Variants in SLC17A6 observed in about 807,000 individuals in gnomAD.
The protein encoded by SLC17A6 is vesicular glutamate transporter 2.
SLC17A6 carries 35 observed loss-of-function variants against 67.1 expected under a neutral mutation model. The observed-to-expected ratio is 0.52, with a 90% CI of 0.40 to 0.69. The LOEUF is 0.69. Ranked by LOEUF, SLC17A6 falls within the 30% of genes least tolerant of loss-of-function variation. The pLI is 0.00. For synonymous variants in SLC17A6, 285 were observed against 252.3 expected, an observed-to-expected ratio of 1.13 and a Z score of -1.23; for missense variants, 588 against 723.9, an observed-to-expected ratio of 0.81 and a Z score of 2.15.
chr11:22,351,919 T>C (rs1484162148), intron 3 of SLC17A6, among the ~76,000 whole-genome samples: 1 of 150,432 alleles, frequency 6.6e-6, no homozygotes, highest in East Asian at 2.1e-4. Context: ...TTTCTTGTTA[T>C]ATAATCTATT....
chr11:22,373,462 G>T (rs747032850), intron 8 of SLC17A6, among the ~76,000 whole-genome samples: 34 of 150,990 alleles, frequency 2.3e-4, no homozygotes, highest in Non-Finnish European at 1.5e-5. Flanking sequence ...AAGCAATAAT[G>T]ATTTTTTTTT....
chr11:22,376,027 A>G lies in SLC17A6; in HGVS notation c.1220A>G (p.His407Arg), dbSNP rs760274920. The change falls in exon 10 of 12, where the codon CAT becomes CGT. Residue 407 changes from histidine to arginine, a missense_variant. His to Arg is a conservative substitution (Grantham distance 29). Transcript: ENST00000263160. Reference protein sequence around the residue: ...ATLLLVVGYSHTRGVAISFLV... With the variant: ...ATLLLVVGYSRTRGVAISFLV... ...CTGCTCCTGGTCGTTGGCTATTCTC[A>G]TACTAGAGGGGTAGCAATCTCATTC... 8 of 1,607,256 alleles carry G rather than the reference A, an allele frequency of 5.0e-6. No homozygotes were observed. Among genetic ancestry groups the G allele is most frequent in the South Asian group, 1.1e-5 (1 of 90,524 alleles).
chr11:22,363,661 T>C (rs1202912558), intron 6 of SLC17A6, among the ~76,000 whole-genome samples: 6 of 152,302 alleles, frequency 3.9e-5, no homozygotes, highest in African/African-American at 9.6e-5. Flanking sequence ...TTATTATGCT[T>C]GTAGAAGGTT....
chr11:22,370,337 T>C (rs1204519364), intron 8 of SLC17A6, 149 bp downstream of exon 8: 1 of 680,070 alleles, frequency 1.5e-6, no homozygotes, highest in African/African-American at 1.8e-5. Context: ...AGAAGCAAAG[T>C]AAAATGTTTC....
intron 8 of SLC17A6, among the ~76,000 whole-genome samples, chr11:22,374,281 T>A (rs1856206290): frequency 6.6e-6 from 1 of 152,232 alleles, no homozygotes; most frequent in Non-Finnish European, 1.5e-5. Flanking sequence ...GATCTTACTC[T>A]ATAGAAATTA....
At chr11:22,361,191 C>T in intron 5 of SLC17A6, 1 of 470,204 alleles carries the variant, frequency 2.1e-6, no homozygotes, top group East Asian at 3.3e-5. Flanking sequence ...TTGTATTTTT[C>T]TAGGAATTGA....
chr11:22,365,244 C>T (rs1342395482), intron 6 of SLC17A6, among the ~76,000 whole-genome samples: 4 of 152,138 alleles, frequency 2.6e-5, no homozygotes, highest in Admixed American at 1.3e-4. Flanking sequence ...AGAATGCTAA[C>T]TGCTAAGTAT....
chr11:22,354,321 C>A (rs985875114), intron 3 of SLC17A6, among the ~76,000 whole-genome samples: 1 of 152,036 alleles, frequency 6.6e-6, no homozygotes, highest in South Asian at 2.1e-4. Context: ...TGACCTCAGG[C>A]GATCCACCCA....
chr11:22,338,486 G>A lies in SLC17A6; in HGVS notation c.-48G>A. On this transcript the variant is annotated 5_prime_UTR_variant, in exon 1 of 12. An upstream open reading frame in the 5' UTR loses its in-frame stop. Coordinates refer to ENST00000263160, the MANE Select transcript of SLC17A6 (RefSeq NM_020346.3). Reference sequence around the variant, plus strand: ...ATATGCGCAATCCTCGCCTTTCCTAGCAATCACTATTTAAATCTGGCAAGA... The same window carrying A: ...ATATGCGCAATCCTCGCCTTTCCTAACAATCACTATTTAAATCTGGCAAGA... The A allele has an allele frequency of 3.0e-6, 4 of 1,340,544 alleles. No homozygotes were observed. Among genetic ancestry groups the A allele is most frequent in the Non-Finnish European group, 4.3e-6 (4 of 935,102 alleles). 83.0% of individuals were successfully genotyped at this position (1,340,544 alleles called of 1,614,324 possible).
rs1169415907 is a variant in SLC17A6 at position 22,376,172 on chromosome 11, T to C, written c.1285+80T>C. The C allele has an allele frequency of 7.3e-6, 6 of 818,314 alleles. No homozygotes were observed. In the Admixed American group the frequency reaches 1.2e-4, roughly 16 times the overall value. 50.7% of individuals were successfully genotyped at this position (818,314 alleles called of 1,614,324 possible). ...TAAAAGACACATACATATACCTTTTTATAGATATCTTCATATATATATTCT... is the reference window on the plus strand; with the variant it reads ...TAAAAGACACATACATATACCTTTTCATAGATATCTTCATATATATATTCT... On this transcript the variant is annotated intron_variant, in intron 10 of 11. Transcript: ENST00000263160.
intron 4 of SLC17A6, 69 bp downstream of exon 4, chr11:22,359,596 C>A: frequency 1.1e-6 from 1 of 879,376 alleles, no homozygotes; most frequent in Non-Finnish European, 1.7e-6. Flanking sequence ...TTATCTTTGT[C>A]TTTATCTGTA....
chr11:22,350,612 A>G (rs1325552186), intron 3 of SLC17A6, among the ~76,000 whole-genome samples: 3 of 152,200 alleles, frequency 2.0e-5, no homozygotes, highest in Non-Finnish European at 2.9e-5. Context: ...GTCTTTTCTT[A>G]AGAAATAATA....
chr11:22,349,454 G>A (rs897521558), intron 3 of SLC17A6, among the ~76,000 whole-genome samples: 2 of 152,196 alleles, frequency 1.3e-5, no homozygotes, highest in Non-Finnish European at 1.5e-5. Flanking sequence ...TAGATGGATT[G>A]AGGAGGGAGG....
chr11:22,374,621 G>T, intron 8 of SLC17A6, 134 bp from the exon 9 acceptor site: 1 of 696,894 alleles, frequency 1.4e-6, no homozygotes, highest in Non-Finnish European at 2.2e-6. Context: ...GAATGAGTAA[G>T]TGATCATTTG....
At chr11:22,360,075 T>C (rs916908474) in intron 4 of SLC17A6, among the ~76,000 whole-genome samples, 73 of 148,524 alleles carry the variant, frequency 4.9e-4, no homozygotes, top group Non-Finnish European at 3.9e-4. Flanking sequence ...TGGAGTATAA[T>C]GGAAATAGAT....
At chr11:22,372,507 G>A (rs1856185105) in intron 8 of SLC17A6, among the ~76,000 whole-genome samples, 1 of 151,860 alleles carries the variant, frequency 6.6e-6, no homozygotes, top group South Asian at 2.1e-4. Flanking sequence ...ACTTTCAAAG[G>A]TCAGATTATA....
rs1485309691 is a variant in SLC17A6 at position 22,352,251 on chromosome 11, G to A, written c.459-7162G>A. Among the ~76,000 whole-genome samples, 3 of 152,108 alleles carry A rather than the reference G, an allele frequency of 2.0e-5. No individual in the cohort carries two copies. In the East Asian group the frequency reaches 5.8e-4, roughly 29 times the overall value. On this transcript the variant is annotated intron_variant, in intron 3 of 11. Coordinates refer to ENST00000263160, the MANE Select transcript of SLC17A6 (RefSeq NM_020346.3). ...CAAGATGCAAGACTGAGGCCACACT[G>A]GGTCATGTACTTGAACTCAGCAACT... is the stretch of plus-strand genomic sequence containing the variant.
intron 5 of SLC17A6, chr11:22,362,240 T>A (rs1856060644): frequency 2.1e-6 from 1 of 475,102 alleles, no homozygotes; most frequent in Non-Finnish European, 4.1e-6. Flanking sequence ...CTGGCCATGC[T>A]TTGAGAACTG....
intron 1 of SLC17A6, among the ~76,000 whole-genome samples, chr11:22,341,073 T>G (rs1046155037): frequency 6.6e-6 from 1 of 152,200 alleles, no homozygotes. Context: ...TCTCTGGTGC[T>G]GTGTTGCAGG....
Sources: allele counts gnomAD v4.1 joint callset (sites outside exome capture counted in the v4.1 genomes callset), GRCh38; gene constraint gnomAD v4.1.1; transcripts MANE v1.5; gene names NCBI Gene and HGNC (gene_info 2026-07-23, HGNC 2026-07-21).